RAB38: variants seen among roughly 807,000 people sequenced by gnomAD.
RAB38 encodes the protein ras-related protein Rab-38.
Under a neutral mutation model 18.4 loss-of-function variants are expected in RAB38, and 15 were observed. The ratio of observed to expected loss-of-function variants is 0.82; its 90% CI spans 0.55 to 1.26. The LOEUF is 1.26. Ranked by LOEUF, RAB38 falls within the 50% of genes most tolerant of loss-of-function variation. The pLI is 0.00. For missense variants in RAB38, 294 were observed against 267.4 expected, an observed-to-expected ratio of 1.10 and a Z score of -0.69; for synonymous variants, 101 against 104.4, an observed-to-expected ratio of 0.97 and a Z score of 0.20.
At chr11:87,882,523 T>C in the RAB38 span, among the ~76,000 whole-genome samples, 1 of 151,908 alleles carries the variant, frequency 6.6e-6, no homozygotes, top group South Asian at 2.1e-4. Context: ...ATATTCAATT[T>C]TATCTACCAA....
At chr11:87,914,213 T>C in the RAB38 span, among the ~76,000 whole-genome samples, 1 of 152,072 alleles carries the variant, frequency 6.6e-6, no homozygotes, top group Non-Finnish European at 1.5e-5. Context: ...AATTTGAAGC[T>C]TTTTAGAGAT....
the RAB38 span, among the ~76,000 whole-genome samples, chr11:88,078,664 G>A: frequency 6.6e-6 from 1 of 151,860 alleles, no homozygotes; most frequent in African/African-American, 2.4e-5. Context: ...ATATTTGGGA[G>A]CTTAAAAAGT....
At chr11:88,173,427 A>T in intron 1 of RAB38, 1 of 699,690 alleles carries the variant, frequency 1.4e-6, no homozygotes, top group Non-Finnish European at 1.8e-6. Context: ...ATTGCCTACT[A>T]CATGCAGAGT....
At chr11:88,024,348 C>T in the RAB38 span, among the ~76,000 whole-genome samples, 1 of 152,106 alleles carries the variant, frequency 6.6e-6, no homozygotes, top group African/African-American at 2.4e-5. Context: ...TCACCTCACC[C>T]CAGTTAAAAT....
At chr11:87,934,397 G>A in the RAB38 span, among the ~76,000 whole-genome samples, 1 of 151,984 alleles carries the variant, frequency 6.6e-6, no homozygotes, top group Admixed American at 6.6e-5. Context: ...ATAACAGATT[G>A]GATTAAAAGA....
chr11:88,026,844 GA>G, the RAB38 span, among the ~76,000 whole-genome samples: 1 of 152,054 alleles, frequency 6.6e-6, no homozygotes, highest in African/African-American at 2.4e-5. Flanking sequence ...TGGAGAATAG[GA>G]TATTCAGGTG....
intron 1 of RAB38, among the ~76,000 whole-genome samples, chr11:88,169,465 G>A (rs1943283068): frequency 6.6e-6 from 1 of 152,172 alleles, no homozygotes; most frequent in Non-Finnish European, 1.5e-5. Context: ...AGGCAGTATA[G>A]GTGAGATATT....
chr11:88,106,220 A>G, the RAB38 span, among the ~76,000 whole-genome samples: 1 of 152,130 alleles, frequency 6.6e-6, no homozygotes, highest in African/African-American at 2.4e-5. Flanking sequence ...ATTAAGCACT[A>G]TGCATTTTGC....
rs117813582 is a variant in RAB38 at position 88,136,134 on chromosome 11, C to T, written c.483+13541G>A. Among the ~76,000 whole-genome samples the T allele has an allele frequency of 6.6e-5, 10 of 152,290 alleles. No homozygotes were observed. In the East Asian group the frequency reaches 1.7e-3, roughly 26 times the overall value. ...TCCATCACTTTAGGATATCTCTGGA[C>T]ACCACAGGCTAACCCAGCCTTTGAG... On this transcript the variant is annotated intron_variant, in intron 2 of 2. Coordinates refer to ENST00000243662, the MANE Select transcript of RAB38 (RefSeq NM_022337.3).
the RAB38 span, among the ~76,000 whole-genome samples, chr11:87,813,500 C>CACACACACAG: frequency 2.0e-4 from 1 of 4,892 alleles, no homozygotes; most frequent in East Asian, 0.02. Context: ...TCATACACAT[C>CACACACACAG]ACACACACAC....
At chr11:87,962,841 G>A in the RAB38 span, among the ~76,000 whole-genome samples, 128 of 152,290 alleles carry the variant, frequency 8.4e-4, no homozygotes, top group Admixed American at 5.6e-3. Flanking sequence ...TATTTCAAGT[G>A]ATGGACGTAT....
Position 88,126,249 on chromosome 11 carries a change from C to A in RAB38, c.484-12109G>T, listed in dbSNP as rs138957212. 2.7e-3 allele frequency among the ~76,000 whole-genome samples: 414 copies of A among 152,264 alleles called. 2 individuals carry two copies. Among genetic ancestry groups the A allele is most frequent in the East Asian group, 9.8e-3 (51 of 5,192 alleles). On this transcript the variant is annotated intron_variant, in intron 2 of 2. Coordinates refer to ENST00000243662, the MANE Select transcript of RAB38 (RefSeq NM_022337.3). ...TTAAAGTGGTTTTTTAAGACACATGCACACGTATGTTTATTGCAGCATTGT... is the reference window on the plus strand; with the variant it reads ...TTAAAGTGGTTTTTTAAGACACATGAACACGTATGTTTATTGCAGCATTGT...
At chr11:87,970,060 G>A in the RAB38 span, among the ~76,000 whole-genome samples, 1 of 152,150 alleles carries the variant, frequency 6.6e-6, no homozygotes, top group Non-Finnish European at 1.5e-5. Flanking sequence ...TTCAAAGTGA[G>A]AAGATTGACA....
chr11:87,914,884 T>G, the RAB38 span, among the ~76,000 whole-genome samples: 28 of 152,250 alleles, frequency 1.8e-4, no homozygotes, highest in African/African-American at 6.7e-4. Flanking sequence ...AGCAGTCAGG[T>G]GGTAAGCTTT....
chr11:87,928,869 C>G, the RAB38 span, among the ~76,000 whole-genome samples: 1 of 152,098 alleles, frequency 6.6e-6, no homozygotes, highest in Admixed American at 6.6e-5. Flanking sequence ...AATCCCAACA[C>G]TTTGGGAGGC....
At chr11:88,083,163 C>T in the RAB38 span, among the ~76,000 whole-genome samples, 1 of 151,740 alleles carries the variant, frequency 6.6e-6, no homozygotes, top group African/African-American at 2.4e-5. Flanking sequence ...AAAATATTAT[C>T]GTTACAATAA....
At chr11:87,852,371 C>A in the RAB38 span, among the ~76,000 whole-genome samples, 135 of 152,250 alleles carry the variant, frequency 8.9e-4, 1 homozygote, top group African/African-American at 3.1e-3. Context: ...CATCAACCTT[C>A]TAGTCATTTC....
chr11:88,003,861 A>AT, the RAB38 span, among the ~76,000 whole-genome samples: 225 of 8,986 alleles, frequency 0.025, 60 homozygotes, highest in East Asian at 0.17. Flanking sequence ...TAATTATATA[A>AT]ATATAATTAT....
the RAB38 span, among the ~76,000 whole-genome samples, chr11:87,930,236 G>A: frequency 3.3e-5 from 5 of 152,216 alleles, no homozygotes; most frequent in South Asian, 2.1e-4. Context: ...GTTGTTTCCC[G>A]ACTTTTTAAT....
Sources: gnomAD v4.1 joint callset for allele counts (sites outside exome capture counted in the v4.1 genomes callset) on GRCh38, gnomAD v4.1.1 for gene constraint, MANE v1.5 for transcripts, NCBI Gene and HGNC (gene_info 2026-07-23, HGNC 2026-07-21) for gene names.